ANK2: variants seen among roughly 807,000 people sequenced by gnomAD.
The protein encoded by ANK2 is ankyrin-2.
In ANK2, 83 loss-of-function variants were observed where a neutral mutation model predicts 360.5. The ratio of observed to expected loss-of-function variants is 0.23; its 90% CI spans 0.19 to 0.28. ANK2 has a LOEUF of 0.28. Among genes scored for constraint, ANK2 ranks in the 10% least tolerant of loss-of-function variants. ANK2 has a pLI of 1.00. For missense variants in ANK2, 4,201 were observed against 4,795.7 expected (o/e 0.88, Z 3.66); for synonymous variants, 1,740 against 1,759.5 (o/e 0.99, Z 0.28).
chr4:113,054,101 G>A (rs1243855507), intron 1 of ANK2, among the ~76,000 whole-genome samples: 2 of 152,138 alleles, frequency 1.3e-5, no homozygotes, highest in Admixed American at 1.3e-4. Flanking sequence ...GAAACCACTA[G>A]GCTTGTGAGT....
intron 2 of ANK2, among the ~76,000 whole-genome samples, chr4:113,026,563 A>G (rs940211440): frequency 3.3e-5 from 5 of 152,176 alleles, no homozygotes; most frequent in African/African-American, 1.2e-4. Context: ...TTTTTGTAGG[A>G]AATTTTGACC....
chr4:112,979,178 G>A (rs911807841), intron 2 of ANK2, among the ~76,000 whole-genome samples: 4 of 152,190 alleles, frequency 2.6e-5, no homozygotes, highest in Admixed American at 6.5e-5. Flanking sequence ...TGCCAAGGGC[G>A]AGCCAGGTGC....
At chr4:113,364,986 A>G (rs2096452298) in intron 40 of ANK2, 53 bp from the exon 41 acceptor site, 1 of 1,611,092 alleles carries the variant, frequency 6.2e-7, no homozygotes. Flanking sequence ...AGTGAAAGAG[A>G]TTTTTAAGAG....
At chr4:112,788,673 A>G in the ANK2 span, 2 of 1,600,676 alleles carry the variant, frequency 1.2e-6, no homozygotes, top group Non-Finnish European at 1.7e-6. Flanking sequence ...CTTATAGAGG[A>G]TGGCTCTCTG....
intron 30 of ANK2, chr4:113,336,300 A>G: frequency 1.7e-6 from 1 of 586,326 alleles, no homozygotes; most frequent in Non-Finnish European, 2.9e-6. Flanking sequence ...TGTAAAAAAA[A>G]AAAAAAGAAA....
chr4:112,816,936 G>C (rs575984884), upstream of ANK2, among the ~76,000 whole-genome samples: 1 of 152,182 alleles, frequency 6.6e-6, no homozygotes, highest in Non-Finnish European at 1.5e-5. Flanking sequence ...ACTTGAACCC[G>C]GGAGGGGGAA....
intron 1 of ANK2, among the ~76,000 whole-genome samples, chr4:112,819,570 C>T (rs1219845240): frequency 6.6e-6 from 1 of 152,018 alleles, no homozygotes; most frequent in Non-Finnish European, 1.5e-5. Flanking sequence ...CACAGAACAA[C>T]AAACAACAGA....
intron 4 of ANK2, among the ~76,000 whole-genome samples, chr4:113,215,744 A>G (rs1449371453): frequency 6.6e-6 from 1 of 152,178 alleles, no homozygotes; most frequent in African/African-American, 2.4e-5. Context: ...ATGCAACAAT[A>G]CAGTCTTTGC....
At chr4:113,156,006 A>G (rs1002393299) in intron 1 of ANK2, among the ~76,000 whole-genome samples, 1 of 152,218 alleles carries the variant, frequency 6.6e-6, no homozygotes, top group African/African-American at 2.4e-5. Context: ...GCAACTTTCA[A>G]TGCCTACAGT....
At chr4:112,753,870 G>GAT in the ANK2 span, among the ~76,000 whole-genome samples, 1 of 152,034 alleles carries the variant, frequency 6.6e-6, no homozygotes, top group Non-Finnish European at 1.5e-5. Flanking sequence ...GGCCAAGGAG[G>GAT]GTGGATCACT....
chr4:113,097,763 C>A (rs768440129), intron 1 of ANK2, among the ~76,000 whole-genome samples: 12 of 151,240 alleles, frequency 7.9e-5, no homozygotes, highest in Non-Finnish European at 1.2e-4. Flanking sequence ...ACAAAGCTAA[C>A]TTTGAAATTT....
intron 35 of ANK2, among the ~76,000 whole-genome samples, chr4:113,347,644 G>C (rs1424387539): frequency 6.6e-6 from 1 of 152,010 alleles, no homozygotes; most frequent in Non-Finnish European, 1.5e-5. Flanking sequence ...AAAAATCCCA[G>C]ACATTGTACA....
chr4:113,133,427 T>C (rs527412841), intron 1 of ANK2, among the ~76,000 whole-genome samples: 14 of 152,224 alleles, frequency 9.2e-5, no homozygotes, highest in African/African-American at 3.1e-4. Flanking sequence ...GGGAAGAAAA[T>C]TATGCTTGAA....
chr4:113,290,218 G>A (rs1431930325), intron 20 of ANK2, among the ~76,000 whole-genome samples: 1 of 149,932 alleles, frequency 6.7e-6, no homozygotes, highest in Non-Finnish European at 1.5e-5. Context: ...GTTACATTTG[G>A]AACCATATAT....
intron 1 of ANK2, among the ~76,000 whole-genome samples, chr4:112,883,174 G>A (rs1167682007): frequency 6.6e-6 from 1 of 151,506 alleles, no homozygotes; most frequent in Non-Finnish European, 1.5e-5. Context: ...GAGTAGCTGG[G>A]ATTATAGGCA....
intron 1 of ANK2, among the ~76,000 whole-genome samples, chr4:113,126,745 G>A (rs2095684820): frequency 1.3e-5 from 2 of 152,068 alleles, no homozygotes. Context: ...GAATATAAGG[G>A]CCCTTGTATA....
rs191353459 is a variant in ANK2 at position 112,866,159 on chromosome 4, A to G, written c.-39-38296A>G. Among the ~76,000 whole-genome samples the G allele has an allele frequency of 2.0e-4, 30 of 152,268 alleles. 1 individual carries two copies. Among genetic ancestry groups the G allele is most frequent in the Non-Finnish European group, 2.9e-5 (2 of 68,022 alleles). On this transcript the variant is annotated intron_variant, in intron 1 of 30. Coordinates refer to the ANK2 transcript ENST00000503271. The stretch of plus-strand genomic sequence containing the variant: ...GAAAATATCTTTTGGAGTACAGAAT[A>G]CTCTTAATTATCAGTTACTGGGCAT...
At chr4:113,109,977 T>C (rs1260675928) in intron 1 of ANK2, among the ~76,000 whole-genome samples, 3 of 152,198 alleles carry the variant, frequency 2.0e-5, no homozygotes, top group African/African-American at 7.2e-5. Context: ...TACTTAGGTT[T>C]CCATATTTAT....
At position 113,369,523 on chromosome 4, in the gene ANK2, T is replaced by A. The variant is rs2096655349; in HGVS notation, c.11328T>A (p.Thr3776=). The change falls in exon 43 of 46, where the codon ACT becomes ACA. Residue 3776 remains threonine, a synonymous_variant. Transcript: ENST00000357077. ...GGCTTTTTGATTCCAGTGTGACAAC[T>A]CCAGGAACAGAAACATCAGAGACTC... ...LEYQQEYFVT[T]PGTETSETQK... is the part of the protein sequence containing the mutation. 6.2e-7 allele frequency: 1 copy of A among 1,613,696 alleles called. No homozygotes were observed. The highest frequency in any genetic ancestry group is 1.7e-5 in the Admixed American group (1 of 59,996).
Sources: allele counts gnomAD v4.1 joint callset (sites outside exome capture counted in the v4.1 genomes callset), GRCh38; gene constraint gnomAD v4.1.1; transcripts MANE v1.5; gene names NCBI Gene and HGNC (gene_info 2026-07-23, HGNC 2026-07-21).